The following CCDC172 variants were observed in gnomAD, a reference collection of about 807,000 sequenced individuals.
The protein encoded by CCDC172 is coiled-coil domain-containing protein 172.
In CCDC172, 30 loss-of-function variants were observed where a neutral mutation model predicts 38.0. The ratio of observed to expected loss-of-function variants is 0.79; its 90% CI spans 0.59 to 1.07. The LOEUF is 1.07. CCDC172 is among the 50% of genes least tolerant of loss of function. The pLI is 0.00. For synonymous variants in CCDC172, 78 were observed against 88.3 expected (o/e 0.88, Z 0.66); for missense variants, 297 against 290.1 (o/e 1.02, Z -0.17).
chr10:116,325,093 CG>C lies in CCDC172; in HGVS notation c.79+7del, dbSNP rs2134895228. ...GAGTCGCCGTTTGATGCGAGAAGGT[CG>C]GGGTATTTCTGTCCTTTGCATGGGG... On this transcript the variant is annotated splice_donor_region_variant and intron_variant, in intron 2 of 8. Transcript: ENST00000333254. The C allele has an allele frequency of 6.2e-7, 1 of 1,613,638 alleles. No individual in the cohort carries two copies. The highest frequency in any genetic ancestry group is 1.3e-5 in the African/African-American group (1 of 74,976).
chr10:116,370,947 T>C (rs571253331), intron 7 of CCDC172, among the ~76,000 whole-genome samples: 3 of 151,964 alleles, frequency 2.0e-5, no homozygotes, highest in Non-Finnish European at 3.0e-5. Flanking sequence ...TTTTTATTCA[T>C]TGATATTTTT....
Position 116,346,961 on chromosome 10 carries a change from T to G in CCDC172, c.448+4760T>G, listed in dbSNP as rs779192337. On this transcript the variant is annotated intron_variant, in intron 5 of 8. Coordinates refer to ENST00000333254, the MANE Select transcript of CCDC172 (RefSeq NM_198515.3). ...AAGATGATATGAGAACATATATAAGTAGACTTAAACTGGACTAGGAAGTTA... is the reference window on the plus strand; with the variant it reads ...AAGATGATATGAGAACATATATAAGGAGACTTAAACTGGACTAGGAAGTTA... 2.0e-5 allele frequency among the ~76,000 whole-genome samples: 3 copies of G among 152,158 alleles called. No individual in the cohort carries two copies. In the South Asian group the frequency reaches 6.2e-4, roughly 32 times the overall value.
chr10:116,370,216 T>C (rs1225366607), intron 7 of CCDC172, among the ~76,000 whole-genome samples: 4 of 151,808 alleles, frequency 2.6e-5, no homozygotes, highest in African/African-American at 9.7e-5. Flanking sequence ...AATTTAATAC[T>C]CTTTTCTTTT....
chr10:116,364,363 A>G (rs1845098562), intron 7 of CCDC172, among the ~76,000 whole-genome samples: 1 of 152,168 alleles, frequency 6.6e-6, no homozygotes, highest in Non-Finnish European at 1.5e-5. Context: ...GCTTAGATAT[A>G]TTTGGAATGA....
At chr10:116,346,156 G>A (rs1345546141) in intron 5 of CCDC172, among the ~76,000 whole-genome samples, 2 of 151,972 alleles carry the variant, frequency 1.3e-5, no homozygotes, top group African/African-American at 4.8e-5. Flanking sequence ...GCCGGGCGTG[G>A]TGTCGGGCAC....
chr10:116,352,024 G>C (rs1844936789), intron 5 of CCDC172, among the ~76,000 whole-genome samples: 1 of 152,128 alleles, frequency 6.6e-6, no homozygotes, highest in Non-Finnish European at 1.5e-5. Context: ...ACCCCACTGG[G>C]CTGAGTAAAG....
intron 7 of CCDC172, among the ~76,000 whole-genome samples, chr10:116,361,770 G>T (rs11817421): frequency 0.075 from 11,415 of 152,188 alleles, 640 homozygotes; most frequent in East Asian, 0.23. Context: ...GGTCATAGAG[G>T]TCACACTGTT....
intron 3 of CCDC172, among the ~76,000 whole-genome samples, chr10:116,331,959 C>T (rs943423921): frequency 2.6e-5 from 4 of 152,116 alleles, no homozygotes; most frequent in African/African-American, 9.7e-5. Context: ...TGGGATATAG[C>T]TCACTTATAC....
chr10:116,372,566 T>C (rs1195412854), intron 7 of CCDC172, among the ~76,000 whole-genome samples: 1 of 152,178 alleles, frequency 6.6e-6, no homozygotes, highest in Non-Finnish European at 1.5e-5. Context: ...TCGGTCTGGC[T>C]TTTTAGATTT....
intron 4 of CCDC172, 144 bp from the exon 5 acceptor site, chr10:116,341,891 GA>G (rs1179854986): frequency 3.0e-5 from 15 of 491,854 alleles, no homozygotes; most frequent in Non-Finnish European, 3.6e-5. Context: ...ATTACTATGA[GA>G]AAAAAACATT....
At chr10:116,324,763 A>C (rs748894233) in intron 1 of CCDC172, 150 bp downstream of exon 1, 82 of 508,206 alleles carry the variant, frequency 1.6e-4, no homozygotes, top group Non-Finnish European at 2.6e-4. Context: ...TGTAAACTGT[A>C]ACGGGAAACA....
At chr10:116,367,969 G>A (rs1845143745) in intron 7 of CCDC172, among the ~76,000 whole-genome samples, 1 of 151,970 alleles carries the variant, frequency 6.6e-6, no homozygotes, top group Admixed American at 6.6e-5. Flanking sequence ...GTCAAGGCTA[G>A]TTGTTTTATA....
intron 7 of CCDC172, among the ~76,000 whole-genome samples, chr10:116,375,781 C>A (rs1328116536): frequency 6.6e-6 from 1 of 152,172 alleles, no homozygotes; most frequent in Non-Finnish European, 1.5e-5. Flanking sequence ...TAAAAAAGCT[C>A]ATTATCACTG....
chr10:116,365,767 G>T (rs1190112504), intron 7 of CCDC172, among the ~76,000 whole-genome samples: 5 of 152,012 alleles, frequency 3.3e-5, no homozygotes, highest in Non-Finnish European at 7.4e-5. Flanking sequence ...ATCTAAGAGT[G>T]GTCCCATAAG....
In CCDC172 at chr10:116,357,470, G is replaced by T. The variant is rs2134949848; in HGVS notation, c.539G>T (p.Arg180Ile). 6.4e-7 allele frequency: 1 copy of T among 1,565,164 alleles called. No individual in the cohort carries two copies. ...ATACAAGAATTATTTACTCTCCAAA[G>T]AAAACTTAAAGGTATTACCTTCATG... ...ELIQELFTLQ[R>I]KLKVFEDEEN... Residue 180 changes from arginine to isoleucine, a missense_variant, in exon 6 of 9, where the codon AGA becomes ATA. Arg to Ile is a moderately conservative substitution (Grantham distance 97). Coordinates refer to ENST00000333254, the MANE Select transcript of CCDC172 (RefSeq NM_198515.3).
intron 7 of CCDC172, among the ~76,000 whole-genome samples, chr10:116,370,763 A>AC (rs1845178030): frequency 6.6e-6 from 1 of 151,756 alleles, no homozygotes; most frequent in African/African-American, 2.4e-5. Context: ...ATCAAGGAAA[A>AC]AATTTGTATT....
chr10:116,351,463 G>C (rs950567259), intron 5 of CCDC172, among the ~76,000 whole-genome samples: 2 of 152,068 alleles, frequency 1.3e-5, no homozygotes, highest in African/African-American at 4.8e-5. Flanking sequence ...ATGCTTTCTT[G>C]AGCATCTACT....
intron 5 of CCDC172, among the ~76,000 whole-genome samples, chr10:116,342,549 T>C (rs1057045066): frequency 2.0e-5 from 3 of 152,138 alleles, no homozygotes; most frequent in African/African-American, 7.2e-5. Context: ...GGGGTTAGGA[T>C]TGGTGCCCTA....
intron 3 of CCDC172, among the ~76,000 whole-genome samples, chr10:116,334,356 A>C (rs1020388518): frequency 2.6e-5 from 4 of 152,216 alleles, no homozygotes; most frequent in African/African-American, 9.6e-5. Context: ...TTATAAAAGT[A>C]GTGTTTATTT....
Sources: allele counts gnomAD v4.1 joint callset (sites outside exome capture counted in the v4.1 genomes callset), GRCh38; gene constraint gnomAD v4.1.1; transcripts MANE v1.5; gene names NCBI Gene and HGNC (gene_info 2026-07-23, HGNC 2026-07-21).